Variants in SLC2A11 observed in about 807,000 individuals in gnomAD.
The protein encoded by SLC2A11 is solute carrier family 2 member 11.
SLC2A11 carries 43 observed loss-of-function variants against 52.1 expected under a neutral mutation model. That is an observed-to-expected ratio of 0.82 (90% confidence interval 0.65 to 1.06). SLC2A11 has a LOEUF of 1.06. Among genes scored for constraint, SLC2A11 ranks in the 50% least tolerant of loss-of-function variants. SLC2A11 has a pLI of 0.00. For missense variants in SLC2A11, 582 were observed against 654.2 expected (o/e 0.89, Z 1.20); for synonymous variants, 261 against 277.6 (o/e 0.94, Z 0.59).
intron 2 of SLC2A11, chr22:23,862,414 A>G (rs900622070): frequency 1.1e-4 from 58 of 543,444 alleles, no homozygotes; most frequent in Non-Finnish European, 1.7e-4. Flanking sequence ...ATCTCAGCAG[A>G]TGACTCCATC....
chr22:23,858,111 C>T (rs758004783), intron 1 of SLC2A11, 82 bp downstream of exon 1: 171 of 1,530,128 alleles, frequency 1.1e-4, no homozygotes, highest in Non-Finnish European at 8.9e-6. Context: ...GTGCAGCCAC[C>T]TGGGAGGCTT....
intron 2 of SLC2A11, among the ~76,000 whole-genome samples, chr22:23,863,936 T>A (rs1371406508): frequency 6.6e-6 from 1 of 152,018 alleles, no homozygotes; most frequent in Non-Finnish European, 1.5e-5. Flanking sequence ...CAGCTTGGCC[T>A]TGTTTTCATA....
rs1568993281 is a variant in SLC2A11, at chr22:23,877,155, C to CGTG, written c.529_530insGTG (p.Gln177delinsArgGlu). ...TACGGCTCTGGGGATCGTGATGGGA[C>CGTG]AGGTGGTCGGACTCAGGTAAGCACC... On this transcript the variant is annotated protein_altering_variant, in exon 5 of 12. Transcript: ENST00000316185. The CGTG allele has an allele frequency of 6.2e-7, 1 of 1,611,774 alleles. No individual in the cohort carries two copies. The highest frequency in any genetic ancestry group is 1.7e-5 in the Admixed American group (1 of 59,786).
chr22:23,857,077 G>C (rs367780214), upstream of SLC2A11: 4 of 1,156,388 alleles, frequency 3.5e-6, no homozygotes, highest in Admixed American at 2.1e-5. Context: ...TGTGTGTGGG[G>C]GGGGGGGGGT....
At chr22:23,866,919 C>T (rs1470212316) in intron 2 of SLC2A11, 1 of 152,236 alleles carries the variant, frequency 6.6e-6, no homozygotes, top group Non-Finnish European at 1.5e-5. Flanking sequence ...AGACATAGGT[C>T]CCCTTGAGAG....
chr22:23,874,528 C>T (rs2032553343), intron 3 of SLC2A11, among the ~76,000 whole-genome samples: 1 of 151,796 alleles, frequency 6.6e-6, no homozygotes, highest in South Asian at 2.1e-4. Flanking sequence ...CTTGGCTCAC[C>T]ACAACCTCTA....
chr22:23,868,818 G>A (rs993229382), intron 3 of SLC2A11, 177 bp downstream of exon 3: 1 of 703,074 alleles, frequency 1.4e-6, no homozygotes, highest in Non-Finnish European at 2.3e-6. Context: ...CAAGGGTTTG[G>A]TAGAGCAAAC....
intron 3 of SLC2A11, chr22:23,873,213 G>C (rs2032511033): frequency 1.3e-5 from 2 of 151,862 alleles, no homozygotes; most frequent in African/African-American, 4.8e-5. Flanking sequence ...GTAGAGACGG[G>C]GTTTCACTAT....
chr22:23,861,306 A>AAAAAAAAAAG (rs1568983644), intron 1 of SLC2A11, among the ~76,000 whole-genome samples: 1 of 109,998 alleles, frequency 9.1e-6, no homozygotes. Flanking sequence ...AAAAAAAAAA[A>AAAAAAAAAAG]AAAAAAAAAG....
At chr22:23,875,807 A>G (rs1319367864) in intron 4 of SLC2A11, among the ~76,000 whole-genome samples, 1 of 152,234 alleles carries the variant, frequency 6.6e-6, no homozygotes, top group East Asian at 1.9e-4. Context: ...CCCAAAATTA[A>G]GTGACTTAAA....
chr22:23,885,206 T>C lies in SLC2A11; in HGVS notation c.*357T>C, dbSNP rs765992081. 20 of 413,278 alleles carry C rather than the reference T, an allele frequency of 4.8e-5. No homozygotes were observed. The highest frequency in any genetic ancestry group is 5.5e-5 in the Non-Finnish European group (13 of 234,760). 25.6% of individuals were successfully genotyped at this position (413,278 alleles called of 1,614,324 possible). A position where few individuals can be genotyped will look rare whatever the true frequency, so the allele number is the denominator to read the frequency against. ...CTATCTCTACAAAAAATTTTAAACA[T>C]TAGCTGGGCATGGTGGTATGTGCTA... is the stretch of plus-strand genomic sequence containing the variant. On this transcript the variant is annotated 3_prime_UTR_variant, in exon 12 of 12. Transcript: ENST00000316185.
At chr22:23,857,583 C>CCA (rs766631193), upstream of SLC2A11, 7 of 1,472,660 alleles carry the variant, frequency 4.8e-6, no homozygotes, top group South Asian at 1.2e-5. Flanking sequence ...CCAAACCCCC[C>CCA]CCCCGCGGCG....
At chr22:23,874,305 G>A (rs577559759) in intron 3 of SLC2A11, among the ~76,000 whole-genome samples, 24 of 152,246 alleles carry the variant, frequency 1.6e-4, no homozygotes, top group Admixed American at 8.5e-4. Flanking sequence ...TGTTGCTGTT[G>A]AGACAGGGTC....
intron 1 of SLC2A11, among the ~76,000 whole-genome samples, chr22:23,858,455 C>G (rs948513502): frequency 1.3e-5 from 2 of 152,126 alleles, no homozygotes; most frequent in African/African-American, 4.8e-5. Context: ...CAGAGGAGAG[C>G]GCCCGCACTG....
chr22:23,883,956 T>C lies in SLC2A11; in HGVS notation c.1103T>C (p.Phe368Ser), dbSNP rs911457438. 27 of 1,612,776 alleles carry C rather than the reference T, an allele frequency of 1.7e-5. No homozygotes were observed. The highest frequency in any genetic ancestry group is 2.2e-5 in the Non-Finnish European group (26 of 1,179,706). Residue 368 changes from phenylalanine to serine, a missense_variant, in exon 10 of 12, where the codon TTC becomes TCC. Phe to Ser is a radical substitution (Grantham distance 155). Transcript: ENST00000316185. ...CCGCCCCGTCCACGGCAGAGCTCCT[T>C]CCCCTGGACACTCTACCTGGCCATG... ...FTVALCLQSS[F>S]PWTLYLAMAC... is the part of the protein sequence containing the mutation.
rs2032961873 is a variant in SLC2A11 at position 23,885,172 on chromosome 22, T to C, written c.*323T>C. On this transcript the variant is annotated 3_prime_UTR_variant, in exon 12 of 12. Coordinates refer to ENST00000316185, the MANE Select transcript of SLC2A11 (RefSeq NM_001024939.4). ...TTTGAAACCAGCCTAGGTAACATAG[T>C]GAGACCCCCTATCTCTACAAAAAAT... The C allele has an allele frequency of 4.3e-6, 2 of 470,304 alleles. No individual in the cohort carries two copies. Among genetic ancestry groups the C allele is most frequent in the Non-Finnish European group, 7.4e-6 (2 of 270,084 alleles). The allele number at this position is 470,304 out of a possible 1,614,324, so 29.1% of individuals were successfully genotyped here.
chr22:23,865,128 AAAAC>A (rs1270231605), intron 2 of SLC2A11: 1 of 142,882 alleles, frequency 7.0e-6, no homozygotes, highest in Non-Finnish European at 1.5e-5. Flanking sequence ...AAAAAACCAG[AAAAC>A]AAAACTGGGC....
chr22:23,857,066 G>T, upstream of SLC2A11: 1 of 1,083,768 alleles, frequency 9.2e-7, no homozygotes, highest in Non-Finnish European at 1.3e-6. Flanking sequence ...ACCAAAGTGT[G>T]TGTGTGTGGG....
At position 23,885,216 on chromosome 22, in the gene SLC2A11, A is replaced by G. The variant is rs1170833361; in HGVS notation, c.*367A>G. On this transcript the variant is annotated 3_prime_UTR_variant, in exon 12 of 12. Transcript: ENST00000316185. ...AAAAAATTTTAAACATTAGCTGGGC[A>G]TGGTGGTATGTGCTAACAGCTCTAG... 7.5e-6 allele frequency: 3 copies of G among 401,358 alleles called. No homozygotes were observed. Among genetic ancestry groups the G allele is most frequent in the African/African-American group, 2.1e-5 (1 of 48,596 alleles). The allele number at this position is 401,358 out of a possible 1,614,324, so 24.9% of individuals were successfully genotyped here.
Sources: allele counts gnomAD v4.1 joint callset (sites outside exome capture counted in the v4.1 genomes callset), GRCh38; gene constraint gnomAD v4.1.1; transcripts MANE v1.5; gene names NCBI Gene and HGNC (gene_info 2026-07-23, HGNC 2026-07-21).